DOCK1: variants seen among roughly 807,000 people sequenced by gnomAD.
DOCK1 encodes the protein dedicator of cytokinesis 1.
A neutral mutation model predicts 262.7 loss-of-function variants in DOCK1; 138 were observed. The ratio of observed to expected loss-of-function variants is 0.53; its 90% CI spans 0.46 to 0.61. The LOEUF (loss-of-function observed/expected upper bound fraction) is 0.61. DOCK1 is among the 20% of genes least tolerant of loss of function. The pLI is 0.00. For synonymous variants in DOCK1, 866 were observed against 867.4 expected, an observed-to-expected ratio of 1.00 and a Z score of 0.03; for missense variants, 1,908 against 2,370.7, an observed-to-expected ratio of 0.80 and a Z score of 4.05.
intron 27 of DOCK1, among the ~76,000 whole-genome samples, chr10:127,231,934 G>C (rs1457678745): frequency 6.6e-6 from 1 of 152,144 alleles, no homozygotes; most frequent in African/African-American, 2.4e-5. Context: ...CTGTCTGCTA[G>C]GGGTCCTTCA....
chr10:127,396,625 T>C (rs551393733), intron 38 of DOCK1, among the ~76,000 whole-genome samples: 1 of 152,278 alleles, frequency 6.6e-6, no homozygotes, highest in East Asian at 1.9e-4. Context: ...ACGGTGTCTC[T>C]TTCTGTCCAG....
intron 1 of DOCK1, among the ~76,000 whole-genome samples, chr10:126,965,141 G>A (rs1313821626): frequency 1.3e-5 from 2 of 152,208 alleles, no homozygotes; most frequent in Non-Finnish European, 2.9e-5. Context: ...AGTGTACAGG[G>A]AGTTCAGAAG....
At chr10:127,138,443 A>G (rs996900227) in intron 27 of DOCK1, among the ~76,000 whole-genome samples, 6 of 152,160 alleles carry the variant, frequency 3.9e-5, no homozygotes, top group East Asian at 1.9e-4. Flanking sequence ...TTCCTGTGCA[A>G]TGTATCACAA....
At chr10:127,271,239 C>T (rs1280084101) in intron 29 of DOCK1, among the ~76,000 whole-genome samples, 5 of 152,088 alleles carry the variant, frequency 3.3e-5, no homozygotes, top group Non-Finnish European at 7.4e-5. Flanking sequence ...GTCTGGGTAG[C>T]AAGGCTCAGC....
In DOCK1 at chr10:127,042,689, T is replaced by C; in HGVS notation, c.2075T>C (p.Phe692Ser). 1 of 1,614,170 alleles carries C rather than the reference T, an allele frequency of 6.2e-7. No homozygotes were observed. Among genetic ancestry groups the C allele is most frequent in the Non-Finnish European group, 8.5e-7 (1 of 1,180,014 alleles). The change falls in exon 20 of 52, where the codon TTT becomes TCT. Residue 692 changes from phenylalanine to serine, a missense_variant. Around this residue, in one of 9 missense-constraint regions of DOCK1, gnomAD observed 294 missense variants for 439.9 expected, o/e 0.67. Transcript: ENST00000623213. Reference protein sequence around the residue: ...IMMENSESETFDTLVFDALVF... With the variant: ...IMMENSESETSDTLVFDALVF... ...ATGGAGAACTCAGAGAGTGAGACTT[T>C]TGACACGTTAGTCTTTGATGCTCTG... is the stretch of plus-strand genomic sequence containing the variant.
At chr10:127,144,635 A>G (rs781677620) in intron 27 of DOCK1, among the ~76,000 whole-genome samples, 13 of 152,232 alleles carry the variant, frequency 8.5e-5, no homozygotes, top group Non-Finnish European at 1.6e-4. Flanking sequence ...TATTCTGTCT[A>G]TAGAATTTGT....
intron 28 of DOCK1, among the ~76,000 whole-genome samples, chr10:127,253,863 A>G (rs925671637): frequency 9.1e-6 from 1 of 109,332 alleles, no homozygotes; most frequent in Non-Finnish European, 1.8e-5. Flanking sequence ...TGATAGCATG[A>G]GACCCTGTCT....
intron 1 of DOCK1, among the ~76,000 whole-genome samples, chr10:126,948,586 G>A (rs951450477): frequency 2.6e-5 from 4 of 151,928 alleles, no homozygotes; most frequent in African/African-American, 4.8e-5. Flanking sequence ...CTGAAACAGG[G>A]CCCTCAAAAT....
At chr10:127,068,466 C>T (rs561201741) in intron 23 of DOCK1, among the ~76,000 whole-genome samples, 2 of 51,404 alleles carry the variant, frequency 3.9e-5, no homozygotes, top group East Asian at 5.7e-4. Context: ...TGCCTTCGCC[C>T]CTTCGTCTTT....
At chr10:126,923,812 G>T (rs542847435) in intron 1 of DOCK1, among the ~76,000 whole-genome samples, 1 of 152,258 alleles carries the variant, frequency 6.6e-6, no homozygotes, top group African/African-American at 2.4e-5. Context: ...AGGTGATTAG[G>T]TCATGAGGGC....
chr10:126,925,161 A>C lies in DOCK1; in HGVS notation c.46+19598A>C, dbSNP rs75377079. On this transcript the variant is annotated intron_variant, in intron 1 of 51. Coordinates refer to ENST00000623213, the MANE Select transcript of DOCK1 (RefSeq NM_001290223.2). The stretch of plus-strand genomic sequence containing the variant: ...AACGGTGGTGTTGAGTCTTGTTTTC[A>C]GTTTTTATTAGTATTTCCTGTTTCA... Among the ~76,000 whole-genome samples, 74 of 152,314 alleles carry C rather than the reference A, an allele frequency of 4.9e-4. No homozygotes were observed. The East Asian group carries it at 0.014, about 29-fold the overall frequency.
rs753847704 is a variant in DOCK1 at position 127,176,306 on chromosome 10, G to GT, written c.2847+48543dup. 2 of 1,613,996 alleles carry GT rather than the reference G, an allele frequency of 1.2e-6. No homozygotes were observed. The highest frequency in any genetic ancestry group is 2.7e-5 in the African/African-American group (2 of 74,912). On this transcript the variant is annotated intron_variant, in intron 27 of 51. Transcript: ENST00000623213. This position sits in a 1 kb window ranked among gnomAD's most constrained non-coding sequence, Gnocchi z 4.4. ...TAATCTGCCGGTTGGGGTCCAGGGCGTATTTCATCTCCAGGGCCAGGCAGG... is the reference window on the plus strand; with the variant it reads ...TAATCTGCCGGTTGGGGTCCAGGGCGTTATTTCATCTCCAGGGCCAGGCAGG...
intron 29 of DOCK1, among the ~76,000 whole-genome samples, chr10:127,294,207 A>C (rs1032975112): frequency 3.3e-5 from 5 of 152,196 alleles, no homozygotes; most frequent in Non-Finnish European, 5.9e-5. Context: ...CTTATAATGC[A>C]ATAGAACAGA....
intron 6 of DOCK1, among the ~76,000 whole-genome samples, chr10:126,993,488 T>C (rs913504111): frequency 6.6e-6 from 1 of 152,210 alleles, no homozygotes; most frequent in African/African-American, 2.4e-5. Flanking sequence ...AGCACGTTCC[T>C]AGGGGCCGGT....
At chr10:127,034,588 G>C (rs777181998) in intron 18 of DOCK1, among the ~76,000 whole-genome samples, 38 of 152,224 alleles carry the variant, frequency 2.5e-4, no homozygotes, top group Non-Finnish European at 4.3e-4. Flanking sequence ...GGCCTTGATA[G>C]CTCCACTCGC....
chr10:127,187,762 G>T (rs1471564304), intron 27 of DOCK1, among the ~76,000 whole-genome samples: 2 of 139,972 alleles, frequency 1.4e-5, no homozygotes, highest in Non-Finnish European at 3.1e-5. Context: ...AAGAGAGAAA[G>T]AAAGAAAAGA....
In DOCK1 at chr10:127,092,251, A is replaced by C. The variant is rs76339604; in HGVS notation, c.2446-13980A>C. ...GAAGGTGCCCAGTGCACAGAGGAGG[A>C]TGAGCTGGATCGGGGAGGAGAGGTC... On this transcript the variant is annotated intron_variant, in intron 23 of 51. Transcript: ENST00000623213. Among the ~76,000 whole-genome samples, 77 of 152,280 alleles carry C rather than the reference A, an allele frequency of 5.1e-4. 3 individuals are homozygous for C. The East Asian group carries it at 0.013, about 25-fold the overall frequency.
intron 18 of DOCK1, 141 bp from the exon 19 acceptor site, chr10:127,037,578 A>G (rs2043724141): frequency 1.6e-6 from 1 of 631,310 alleles, no homozygotes; most frequent in African/African-American, 1.8e-5. Context: ...GGAATGGAAT[A>G]TTTAGCAGGT....
intron 23 of DOCK1, among the ~76,000 whole-genome samples, chr10:127,062,046 C>T (rs1322515702): frequency 6.8e-6 from 1 of 147,796 alleles, no homozygotes; most frequent in Non-Finnish European, 1.5e-5. Context: ...AAGCAATTCT[C>T]CTGTCTCAGC....
Sources: gnomAD v4.1 joint callset for allele counts (sites outside exome capture counted in the v4.1 genomes callset) on GRCh38, gnomAD v4.1.1 for gene constraint, gnomAD v4.1.1 regional missense constraint, Gnocchi (gnomAD v3.1) non-coding constraint, MANE v1.5 for transcripts, NCBI Gene and HGNC (gene_info 2026-07-23, HGNC 2026-07-21) for gene names.